CNTN4: variants seen among roughly 807,000 people sequenced by gnomAD.
CNTN4 encodes the protein contactin-4.
Under a neutral mutation model 122.5 loss-of-function variants are expected in CNTN4, and 77 were observed. That is an observed-to-expected ratio of 0.63 (90% CI 0.52 to 0.76). The LOEUF (loss-of-function observed/expected upper bound fraction) is 0.76, where lower values mean the gene tolerates loss of function less well. CNTN4 is among the 30% of genes least tolerant of loss of function. The pLI, the probability that CNTN4 is intolerant of heterozygous loss-of-function variation, is 0.00. For missense variants in CNTN4, 1,256 were observed against 1,259.1 expected, an observed-to-expected ratio of 1.00 and a Z score of 0.04; for synonymous variants, 512 against 447.0, an observed-to-expected ratio of 1.15 and a Z score of -1.83.
At chr3:2,615,371 T>A (rs577508505) in intron 4 of CNTN4, among the ~76,000 whole-genome samples, 1 of 152,324 alleles carries the variant, frequency 6.6e-6, no homozygotes, top group Non-Finnish European at 1.5e-5. Context: ...AGTGATGATA[T>A]GAAAGAATCT....
chr3:2,701,909 C>G (rs7623658), intron 4 of CNTN4, among the ~76,000 whole-genome samples: 81,006 of 151,950 alleles, frequency 0.53, 21,794 homozygotes, highest in African/African-American at 0.59. Context: ...GAAACTGACT[C>G]TAGATAATTT....
At position 2,301,388 on chromosome 3, in the gene CNTN4, A is replaced by G. The variant is rs1467192973; in HGVS notation, c.-144-37790A>G. ...ACATTTAGGTATTTTATTAAACACA[A>G]TAAATGCCAGAGGAAATTGAATTAA... is the stretch of plus-strand genomic sequence containing the variant. On this transcript the variant is annotated intron_variant, in intron 2 of 24. Transcript: ENST00000418658. 5.9e-5 allele frequency among the ~76,000 whole-genome samples: 9 copies of G among 152,342 alleles called. No homozygotes were observed. The East Asian group carries it at 7.7e-4, about 13-fold the overall frequency.
At chr3:2,600,206 C>T (rs1002204656) in intron 4 of CNTN4, among the ~76,000 whole-genome samples, 3 of 151,052 alleles carry the variant, frequency 2.0e-5, no homozygotes, top group African/African-American at 7.3e-5. Context: ...TGGAGGGCAG[C>T]TTAGATTTTT....
intron 3 of CNTN4, among the ~76,000 whole-genome samples, chr3:2,479,965 A>G (rs1339505315): frequency 2.0e-5 from 3 of 152,200 alleles, no homozygotes; most frequent in African/African-American, 4.8e-5. Flanking sequence ...GTGGTTCAAC[A>G]TTCAAATATC....
chr3:2,977,969 T>C (rs1559743831), intron 13 of CNTN4, among the ~76,000 whole-genome samples: 1 of 152,114 alleles, frequency 6.6e-6, no homozygotes, highest in Non-Finnish European at 1.5e-5. Context: ...ATTGGAGTGA[T>C]GCCTCTGCAA....
intron 14 of CNTN4, among the ~76,000 whole-genome samples, chr3:3,023,629 T>G (rs1350259927): frequency 6.6e-6 from 1 of 152,176 alleles, no homozygotes; most frequent in African/African-American, 2.4e-5. Flanking sequence ...GGCATTTGAC[T>G]CCACACTCAT....
chr3:2,728,494 C>T (rs1559436429), intron 4 of CNTN4, among the ~76,000 whole-genome samples: 1 of 152,186 alleles, frequency 6.6e-6, no homozygotes, highest in East Asian at 1.9e-4. Flanking sequence ...ACACTGAGAG[C>T]ACACCCAACA....
intron 4 of CNTN4, among the ~76,000 whole-genome samples, chr3:2,687,163 CTG>C: frequency 1.4e-5 from 1 of 72,350 alleles, no homozygotes; most frequent in Non-Finnish European, 3.0e-5. Context: ...ACAGAAATGT[CTG>C]TGTTTCTGAT....
chr3:2,781,298 G>T (rs2091558011), intron 6 of CNTN4, among the ~76,000 whole-genome samples: 1 of 152,082 alleles, frequency 6.6e-6, no homozygotes, highest in Non-Finnish European at 1.5e-5. Context: ...CATCTTGCAG[G>T]TTTATCATCA....
intron 3 of CNTN4, among the ~76,000 whole-genome samples, chr3:2,416,884 G>A (rs1383408004): frequency 6.6e-6 from 1 of 152,004 alleles, no homozygotes; most frequent in African/African-American, 2.4e-5. Context: ...TCGAGCTCCT[G>A]ACCTTGTGAT....
chr3:2,903,580 G>A (rs202122507), intron 12 of CNTN4, among the ~76,000 whole-genome samples: 10 of 152,084 alleles, frequency 6.6e-5, no homozygotes, highest in Admixed American at 3.3e-4. Context: ...TGCCTGAAAC[G>A]CTTTTCCTTC....
At chr3:2,272,329 AT>A (rs2041331141) in intron 2 of CNTN4, among the ~76,000 whole-genome samples, 1 of 152,110 alleles carries the variant, frequency 6.6e-6, no homozygotes. Flanking sequence ...TTATTTATGA[AT>A]TTTTATATGC....
At chr3:2,539,956 C>A (rs2077966506) in intron 3 of CNTN4, among the ~76,000 whole-genome samples, 1 of 151,844 alleles carries the variant, frequency 6.6e-6, no homozygotes, top group Non-Finnish European at 1.5e-5. Context: ...AATTTTTTTC[C>A]ATGCAGACTC....
chr3:2,275,016 G>A (rs1313560365), intron 2 of CNTN4, among the ~76,000 whole-genome samples: 1 of 152,170 alleles, frequency 6.6e-6, no homozygotes, highest in East Asian at 1.9e-4. Flanking sequence ...ACTACTCCAA[G>A]TGGATATCAT....
chr3:2,943,584 T>C (rs2151523499), intron 13 of CNTN4, among the ~76,000 whole-genome samples: 1 of 147,964 alleles, frequency 6.8e-6, no homozygotes, highest in South Asian at 2.1e-4. Context: ...TTTAGACTCC[T>C]AGGTAATATA....
intron 3 of CNTN4, among the ~76,000 whole-genome samples, chr3:2,505,414 G>C (rs112537845): frequency 1.3e-5 from 2 of 152,282 alleles, no homozygotes; most frequent in Admixed American, 6.5e-5. Context: ...TGGGAATTCA[G>C]ATGATCAAGT....
chr3:2,800,982 G>A (rs2092333933), intron 6 of CNTN4, among the ~76,000 whole-genome samples: 1 of 152,120 alleles, frequency 6.6e-6, no homozygotes, highest in Non-Finnish European at 1.5e-5. Context: ...CCTACTCCCA[G>A]CTCTCTCAAT....
At chr3:2,401,081 C>T (rs891661799) in intron 3 of CNTN4, among the ~76,000 whole-genome samples, 11 of 152,014 alleles carry the variant, frequency 7.2e-5, no homozygotes, top group Non-Finnish European at 1.5e-4. Context: ...ATGGCTGATC[C>T]CACTTTGATC....
At position 3,034,770 on chromosome 3, in the gene CNTN4, G is replaced by A; in HGVS notation, c.1922G>A (p.Gly641Asp). The A allele has an allele frequency of 6.2e-7, 1 of 1,614,074 alleles. No homozygotes were observed. Among genetic ancestry groups the A allele is most frequent in the Non-Finnish European group, 8.5e-7 (1 of 1,179,976 alleles). ...CAAGCCAGGACTCCATTCTCCGTGG[G>A]CTGGCAAGCAGTCAGTACAGGTACC... is the stretch of plus-strand genomic sequence containing the variant. ...VIQARTPFSVGWQAVSTVPEL... is the reference protein window; with the variant it reads ...VIQARTPFSVDWQAVSTVPEL... Residue 641 changes from glycine (G) to aspartate (D), a missense_variant, in exon 17 of 25, where the codon GGC becomes GAC. Transcript: ENST00000418658.
Sources: gnomAD v4.1 joint callset for allele counts (sites outside exome capture counted in the v4.1 genomes callset) on GRCh38, gnomAD v4.1.1 for gene constraint, MANE v1.5 for transcripts, NCBI Gene and HGNC (gene_info 2026-07-23, HGNC 2026-07-21) for gene names.